The following STPG2 variants were observed in gnomAD, a reference collection of about 807,000 sequenced individuals.
STPG2 encodes sperm-tail PG-rich repeat-containing protein 2.
A neutral mutation model predicts 54.2 loss-of-function variants in STPG2; 56 were observed. The observed-to-expected ratio is 1.03, with a 90% confidence interval of 0.83 to 1.29. The LOEUF is 1.29. Ranked by LOEUF, STPG2 falls within the 50% of genes most tolerant of loss-of-function variation. The pLI is 0.00. For synonymous variants in STPG2, 200 were observed against 181.8 expected, an observed-to-expected ratio of 1.10 and a Z score of -0.81; for missense variants, 596 against 544.9, an observed-to-expected ratio of 1.09 and a Z score of -0.93.
At chr4:97,948,630 A>G (rs1373268864) in intron 7 of STPG2, among the ~76,000 whole-genome samples, 1 of 152,042 alleles carries the variant, frequency 6.6e-6, no homozygotes, top group African/African-American at 2.4e-5. Flanking sequence ...TATTCATTTC[A>G]AAGAACTGTT....
intron 5 of STPG2, among the ~76,000 whole-genome samples, chr4:98,085,629 G>C (rs890721240): frequency 2.6e-5 from 4 of 151,908 alleles, no homozygotes; most frequent in Admixed American, 2.6e-4. Flanking sequence ...GTATTCCTAA[G>C]TATTTTATGT....
At chr4:97,712,659 CT>C in intron 10 of STPG2, 39 bp downstream of exon 10, 1 of 1,364,478 alleles carries the variant, frequency 7.3e-7, no homozygotes, top group Non-Finnish European at 9.9e-7. Context: ...GAAATTAATT[CT>C]ATTCTTGTGT....
chr4:97,865,185 T>C (rs1366317204), intron 8 of STPG2, among the ~76,000 whole-genome samples: 5 of 152,078 alleles, frequency 3.3e-5, no homozygotes, highest in Non-Finnish European at 2.9e-5. Flanking sequence ...ATTTTTGCAA[T>C]CTACTCATCT....
intron 8 of STPG2, among the ~76,000 whole-genome samples, chr4:97,924,707 G>A (rs185934767): frequency 2.7e-4 from 41 of 152,132 alleles, no homozygotes; most frequent in South Asian, 4.2e-4. Context: ...TGTTTTATTC[G>A]TCATAAATTT....
chr4:97,607,119 C>T (rs1338285504), intron 10 of STPG2, among the ~76,000 whole-genome samples: 1 of 151,740 alleles, frequency 6.6e-6, no homozygotes, highest in Non-Finnish European at 1.5e-5. Flanking sequence ...TTGATTTTGC[C>T]CACAATTTGA....
At chr4:97,742,002 G>A (rs1220763386) in intron 9 of STPG2, among the ~76,000 whole-genome samples, 1 of 152,058 alleles carries the variant, frequency 6.6e-6, no homozygotes, top group Non-Finnish European at 1.5e-5. Context: ...AAGAAAATGT[G>A]GCACATATAC....
intron 4 of STPG2, among the ~76,000 whole-genome samples, chr4:97,543,129 A>G (rs1194602832): frequency 6.6e-6 from 1 of 151,198 alleles, no homozygotes; most frequent in African/African-American, 2.4e-5. Flanking sequence ...GTAATAAAAA[A>G]TATATATATA....
rs377267135 is a variant in STPG2, at chr4:97,564,723, G to A, written c.1321-5606C>T. On this transcript the variant is annotated intron_variant, in intron 10 of 10. Transcript: ENST00000295268. ...AGTTTGGCTTGATATGAAATTCTGG[G>A]TTGAAAATTCTTTTCTTTAAGAATG... 1.8e-4 allele frequency among the ~76,000 whole-genome samples: 27 copies of A among 152,216 alleles called. No individual in the cohort carries two copies. In the South Asian group the frequency reaches 5.6e-3, roughly 32 times the overall value.
intron 8 of STPG2, among the ~76,000 whole-genome samples, chr4:97,901,947 A>C (rs1296472053): frequency 2.6e-5 from 4 of 152,044 alleles, no homozygotes; most frequent in Non-Finnish European, 5.9e-5. Context: ...TATAGTACTG[A>C]CATAGCAGAT....
chr4:97,848,168 AG>A (rs752940730), intron 8 of STPG2, among the ~76,000 whole-genome samples: 2 of 152,192 alleles, frequency 1.3e-5, no homozygotes, highest in Non-Finnish European at 2.9e-5. Context: ...CAACTGTAAA[AG>A]CCAGTTCAAG....
intron 10 of STPG2, among the ~76,000 whole-genome samples, chr4:97,611,600 T>G (rs1733731958): frequency 6.6e-6 from 1 of 151,916 alleles, no homozygotes; most frequent in African/African-American, 2.4e-5. Context: ...TGACTAGAAT[T>G]AGCTAGAATT....
At chr4:97,910,897 T>C (rs7688942) in intron 8 of STPG2, among the ~76,000 whole-genome samples, 88,252 of 151,968 alleles carry the variant, frequency 0.58, 26,143 homozygotes, top group East Asian at 0.74. Flanking sequence ...AACTGCGGCT[T>C]TCACAGAGAA....
intron 4 of STPG2, among the ~76,000 whole-genome samples, chr4:97,478,359 A>G (rs1730129192): frequency 6.6e-6 from 1 of 152,194 alleles, no homozygotes; most frequent in Non-Finnish European, 1.5e-5. Flanking sequence ...AGGGCTTAGG[A>G]GTAAATTAAG....
intron 10 of STPG2, among the ~76,000 whole-genome samples, chr4:97,698,280 T>C (rs1372731734): frequency 1.3e-5 from 2 of 152,184 alleles, no homozygotes; most frequent in Admixed American, 6.5e-5. Context: ...TCACAGGGCA[T>C]GGCAATACTA....
At chr4:97,629,145 A>G (rs1249536579) in intron 10 of STPG2, among the ~76,000 whole-genome samples, 1 of 152,006 alleles carries the variant, frequency 6.6e-6, no homozygotes, top group Non-Finnish European at 1.5e-5. Flanking sequence ...TGGAGACAGA[A>G]TTTTCCAATA....
intron 5 of STPG2, among the ~76,000 whole-genome samples, chr4:98,046,844 G>A (rs947410324): frequency 2.0e-5 from 3 of 152,148 alleles, no homozygotes; most frequent in Admixed American, 6.5e-5. Flanking sequence ...GAAACAGGTG[G>A]AATAGCTGGA....
At chr4:97,946,836 G>T (rs1273213998) in intron 7 of STPG2, among the ~76,000 whole-genome samples, 1 of 132,854 alleles carries the variant, frequency 7.5e-6, no homozygotes, top group Non-Finnish European at 1.8e-5. Flanking sequence ...GCTGCCTCCA[G>T]ATTTGTTCTT....
chr4:97,529,056 G>A (rs916216697), intron 4 of STPG2, among the ~76,000 whole-genome samples: 1 of 152,128 alleles, frequency 6.6e-6, no homozygotes, highest in Non-Finnish European at 1.5e-5. Flanking sequence ...TCCTTGTCTT[G>A]TGCCAGTTTT....
chr4:97,459,532 C>T (rs1729610300), intron 4 of STPG2, among the ~76,000 whole-genome samples: 2 of 151,472 alleles, frequency 1.3e-5, no homozygotes, highest in Admixed American at 6.6e-5. Flanking sequence ...CTCCGCCTCC[C>T]GGGTTCACGC....
Sources: gnomAD v4.1 joint callset for allele counts (sites outside exome capture counted in the v4.1 genomes callset) on GRCh38, gnomAD v4.1.1 for gene constraint, MANE v1.5 for transcripts, NCBI Gene and HGNC (gene_info 2026-07-23, HGNC 2026-07-21) for gene names.